ARID4B: variants seen among roughly 807,000 people sequenced by gnomAD.
ARID4B encodes the protein AT-rich interaction domain 4B, also known as AT-rich interactive domain-containing protein 4B.
A neutral mutation model predicts 147.5 loss-of-function variants in ARID4B; 26 were observed. That is an observed-to-expected ratio of 0.18 (90% confidence interval 0.13 to 0.24). The LOEUF is 0.24. Among genes scored for constraint, ARID4B ranks in the 10% least tolerant of loss-of-function variants. The probability of loss-of-function intolerance (pLI) is 1.00; values close to 1 mark genes in which losing one functional copy is unlikely to be tolerated. For synonymous variants in ARID4B, 512 were observed against 507.9 expected (o/e 1.01, Z -0.11); for missense variants, 1,179 against 1,511.5 (o/e 0.78, Z 3.65).
chr1:235,279,017 T>C (rs906812199), intron 2 of ARID4B, among the ~76,000 whole-genome samples: 8 of 152,038 alleles, frequency 5.3e-5, no homozygotes, highest in African/African-American at 1.4e-4. Flanking sequence ...GCTGAAGTGG[T>C]CCACCCACCT....
At chr1:235,250,098 C>A (rs981883094) in intron 6 of ARID4B, among the ~76,000 whole-genome samples, 1 of 151,918 alleles carries the variant, frequency 6.6e-6, no homozygotes, top group Admixed American at 6.6e-5. Flanking sequence ...CAGAGCGAGA[C>A]TCCGTCTCAA....
At chr1:235,185,769 T>C (rs565670890) in intron 19 of ARID4B, among the ~76,000 whole-genome samples, 15 of 152,362 alleles carry the variant, frequency 9.8e-5, no homozygotes, top group African/African-American at 3.6e-4. Context: ...TCCTTCCGAA[T>C]GTATTGCTTC....
At chr1:235,176,675 T>C (rs1663906512) in intron 21 of ARID4B, 1 of 350,172 alleles carries the variant, frequency 2.9e-6, no homozygotes. Flanking sequence ...CTCTATGCAG[T>C]GGACTGTCTC....
At chr1:235,231,210 T>G in intron 9 of ARID4B, 21 bp from the exon 10 acceptor site, 1 of 1,418,008 alleles carries the variant, frequency 7.1e-7, no homozygotes, top group Non-Finnish European at 9.6e-7. Flanking sequence ...TTTTTAATTA[T>G]AAGAGAAGAA....
chr1:235,257,825 T>C (rs1181617819), intron 3 of ARID4B, among the ~76,000 whole-genome samples: 2 of 152,162 alleles, frequency 1.3e-5, no homozygotes, highest in African/African-American at 2.4e-5. Context: ...ATGAATTTAG[T>C]TGTAAAATTG....
chr1:235,211,806 C>T (rs1666736434), intron 17 of ARID4B, among the ~76,000 whole-genome samples: 1 of 152,138 alleles, frequency 6.6e-6, no homozygotes, highest in South Asian at 2.1e-4. Flanking sequence ...AGAACTCCCT[C>T]TACATTTATA....
At chr1:235,257,494 C>G (rs1369380755) in intron 3 of ARID4B, among the ~76,000 whole-genome samples, 1 of 142,100 alleles carries the variant, frequency 7.0e-6, no homozygotes, top group South Asian at 2.2e-4. Context: ...TAACTTTTTT[C>G]TTTTTTGATA....
intron 21 of ARID4B, among the ~76,000 whole-genome samples, chr1:235,177,421 A>T (rs1309002805): frequency 6.6e-6 from 1 of 152,156 alleles, no homozygotes; most frequent in Admixed American, 6.5e-5. Flanking sequence ...TTTACCTAAG[A>T]TTAGAAAACC....
chr1:235,193,398 A>G (rs1665262031), intron 19 of ARID4B, among the ~76,000 whole-genome samples: 1 of 152,206 alleles, frequency 6.6e-6, no homozygotes, highest in African/African-American at 2.4e-5. Flanking sequence ...CCCTGTCTCA[A>G]AGAAACAGAG....
At chr1:235,274,993 T>TTGTGTGTGTGTGTG (rs72168611) in intron 2 of ARID4B, among the ~76,000 whole-genome samples, 13 of 148,422 alleles carry the variant, frequency 8.8e-5, no homozygotes, top group African/African-American at 3.2e-4. Flanking sequence ...AGGCCTAATT[T>TTGTGTGTGTGTGTG]TGTGTGTGTG....
intron 17 of ARID4B, among the ~76,000 whole-genome samples, chr1:235,203,986 T>C (rs12097648): frequency 0.04 from 6,093 of 152,232 alleles, 457 homozygotes; most frequent in African/African-American, 0.14. Context: ...CTTTTAATCA[T>C]GTATCTACAA....
intron 9 of ARID4B, among the ~76,000 whole-genome samples, chr1:235,234,162 G>A (rs12030186): frequency 0.47 from 70,832 of 152,026 alleles, 16,829 homozygotes; most frequent in South Asian, 0.6. Flanking sequence ...ATGTGGACAA[G>A]TGTTGACAAA....
intron 11 of ARID4B, 143 bp from the exon 12 acceptor site, chr1:235,224,918 T>G (rs1351094060): frequency 6.5e-6 from 4 of 613,142 alleles, no homozygotes; most frequent in Non-Finnish European, 1.1e-5. Flanking sequence ...CTTTTAACAC[T>G]AAGCTGTTCA....
At chr1:235,290,697 G>A (rs558979748) in intron 2 of ARID4B, among the ~76,000 whole-genome samples, 51 of 152,298 alleles carry the variant, frequency 3.3e-4, no homozygotes, top group Non-Finnish European at 5.4e-4. Flanking sequence ...TTTGCAGCTG[G>A]ACATGGGCAT....
At chr1:235,318,763 C>G (rs1674618034) in intron 2 of ARID4B, among the ~76,000 whole-genome samples, 2 of 152,006 alleles carry the variant, frequency 1.3e-5, no homozygotes, top group South Asian at 4.2e-4. Context: ...CACCTGTAAT[C>G]CCATCTACTT....
intron 5 of ARID4B, 42 bp downstream of exon 5, chr1:235,255,618 G>A: frequency 7.7e-7 from 1 of 1,303,738 alleles, no homozygotes; most frequent in Non-Finnish European, 1.1e-6. Flanking sequence ...TTTTCTTTGT[G>A]TAACTAAAAA....
At chr1:235,300,395 C>A (rs546829512) in intron 2 of ARID4B, among the ~76,000 whole-genome samples, 1 of 147,838 alleles carries the variant, frequency 6.8e-6, no homozygotes, top group African/African-American at 2.5e-5. Context: ...CCAGCCTGGG[C>A]GACAGAATGA....
intron 2 of ARID4B, among the ~76,000 whole-genome samples, chr1:235,316,691 C>A (rs1035813453): frequency 1.3e-5 from 2 of 151,732 alleles, no homozygotes; most frequent in Non-Finnish European, 2.9e-5. Flanking sequence ...TGGTGGCAGG[C>A]GCCTGTAATC....
chr1:235,257,950 T>G (rs927684699), intron 3 of ARID4B, among the ~76,000 whole-genome samples: 2 of 152,152 alleles, frequency 1.3e-5, no homozygotes, highest in Non-Finnish European at 2.9e-5. Context: ...TTAACTGAGA[T>G]CTGAGCATCA....
Sources: allele counts gnomAD v4.1 joint callset (sites outside exome capture counted in the v4.1 genomes callset), GRCh38; gene constraint gnomAD v4.1.1; transcripts MANE v1.5; gene names NCBI Gene and HGNC (gene_info 2026-07-23, HGNC 2026-07-21).